The following TNFRSF11A variants were observed in gnomAD, a reference collection of about 807,000 sequenced individuals.
The protein encoded by TNFRSF11A is tumor necrosis factor receptor superfamily member 11A.
A neutral mutation model predicts 55.7 loss-of-function variants in TNFRSF11A; 32 were observed. That is an observed-to-expected ratio of 0.57 (90% CI 0.43 to 0.77). The LOEUF (loss-of-function observed/expected upper bound fraction) is 0.77. Among genes scored for constraint, TNFRSF11A ranks in the 30% least tolerant of loss-of-function variants. The pLI, the probability that TNFRSF11A is intolerant of heterozygous loss-of-function variation, is 0.00. For missense variants in TNFRSF11A, 753 were observed against 809.8 expected, an observed-to-expected ratio of 0.93 and a Z score of 0.85; for synonymous variants, 311 against 331.0, an observed-to-expected ratio of 0.94 and a Z score of 0.65.
intron 7 of TNFRSF11A, among the ~76,000 whole-genome samples, chr18:62,362,271 A>G (rs1909748523): frequency 6.6e-6 from 1 of 152,064 alleles, no homozygotes; most frequent in South Asian, 2.1e-4. Context: ...CAGGTGGATC[A>G]CCTGAGGTCA....
In TNFRSF11A at chr18:62,388,613, CCTT is replaced by C. The variant is rs1911877781; in HGVS notation, c.*3582_*3584del. 2.6e-5 allele frequency: 4 copies of C among 152,372 alleles called. No homozygotes were observed. Among genetic ancestry groups the C allele is most frequent in the Non-Finnish European group, 5.9e-5 (4 of 68,046 alleles). The allele number at this position is 152,372 out of a possible 1,614,324, so 9.4% of individuals were successfully genotyped here. A position where few individuals can be genotyped will look rare whatever the true frequency, so the allele number is the denominator to read the frequency against. On this transcript the variant is annotated 3_prime_UTR_variant, in exon 10 of 10. Transcript: ENST00000586569. ...CCCAGCCCCTAACCAGTGAGTAGCT[CCTT>C]CTCTGGTGATTGAATTCCCTTAATG...
rs67721371 is a variant in TNFRSF11A at position 62,367,788 on chromosome 18, C to CTTTTTTTTTTTTTTT, written c.784-904_784-890dup. 7.4e-4 allele frequency among the ~76,000 whole-genome samples: 58 copies of CTTTTTTTTTTTTTTT among 78,684 alleles called. 1 individual carries two copies. Among genetic ancestry groups the CTTTTTTTTTTTTTTT allele is most frequent in the East Asian group, 2.8e-3 (7 of 2,476 alleles). The allele number at this position is 78,684 out of a possible 152,430, so 51.6% of individuals were successfully genotyped here. On this transcript the variant is annotated intron_variant, in intron 8 of 9. Coordinates refer to ENST00000586569, the MANE Select transcript of TNFRSF11A (RefSeq NM_003839.4). ...GATCTTTCTTTCTTTTCTTCTTCTT[C>CTTTTTTTTTTTTTTT]TTTTTTTTTTTTTTTTTTTTTTTGA...
chr18:62,354,598 G>T, intron 4 of TNFRSF11A, 64 bp downstream of exon 4: 1 of 1,595,812 alleles, frequency 6.3e-7, no homozygotes. Context: ...CTTTGAGACA[G>T]TCTTGATAAT....
At position 62,388,090 on chromosome 18, in the gene TNFRSF11A, A is replaced by G. The variant is rs1054487774; in HGVS notation, c.*3056A>G. Reference sequence around the variant, plus strand: ...TGATTGGGTCAGTGCACTCCAGTGTAAAAAAACAAAAATAAAAACCACCAC... The same window carrying G: ...TGATTGGGTCAGTGCACTCCAGTGTGAAAAAACAAAAATAAAAACCACCAC... On this transcript the variant is annotated 3_prime_UTR_variant, in exon 10 of 10. Transcript: ENST00000586569. 1.3e-5 allele frequency: 2 copies of G among 152,198 alleles called. No homozygotes were observed. Among genetic ancestry groups the G allele is most frequent in the Non-Finnish European group, 2.9e-5 (2 of 68,072 alleles). The allele number at this position is 152,198 out of a possible 1,614,324, so 9.4% of individuals were successfully genotyped here.
In TNFRSF11A at chr18:62,384,876, C is replaced by T. The variant is rs759335197; in HGVS notation, c.1693C>T (p.Pro565Ser). ...GGAGGGCGCGGCGGCGGCTGCGGAGCCCATGGGCCGCCCGGTGCAGGAGGA... is the reference window on the plus strand; with the variant it reads ...GGAGGGCGCGGCGGCGGCTGCGGAGTCCATGGGCCGCCCGGTGCAGGAGGA... The part of the protein sequence containing the change: ...SQEGAAAAAE[P>S]MGRPVQEETL... Residue 565 changes from proline (P) to serine (S), a missense_variant, in exon 10 of 10, where the codon CCC becomes TCC. Pro to Ser is a moderately conservative substitution (Grantham distance 74, BLOSUM62 -1). This residue lies in a region of TNFRSF11A where 567 missense variants were observed against 596.7 expected (regional missense o/e 0.95). Transcript: ENST00000586569. 27 of 1,596,148 alleles carry T rather than the reference C, an allele frequency of 1.7e-5. No individual in the cohort carries two copies. The highest frequency in any genetic ancestry group is 4.0e-5 in the African/African-American group (3 of 74,700).
At chr18:62,372,901 CA>C (rs1910646413) in intron 9 of TNFRSF11A, 1 of 152,104 alleles carries the variant, frequency 6.6e-6, no homozygotes. Flanking sequence ...ATTTGTTTTT[CA>C]ATTAATTTAT....
chr18:62,366,797 A>G, intron 8 of TNFRSF11A, 37 bp downstream of exon 8: 1 of 1,604,900 alleles, frequency 6.2e-7, no homozygotes, highest in African/African-American at 1.3e-5. Flanking sequence ...TGTTAAGTAC[A>G]TTCAACAGTT....
At chr18:62,338,241 T>C (rs1004589837) in intron 1 of TNFRSF11A, among the ~76,000 whole-genome samples, 1 of 152,178 alleles carries the variant, frequency 6.6e-6, no homozygotes, top group African/African-American at 2.4e-5. Flanking sequence ...GAATGTGCAA[T>C]GATGCCACCC....
chr18:62,329,863 C>A (rs1225220787), intron 1 of TNFRSF11A, among the ~76,000 whole-genome samples: 1 of 152,164 alleles, frequency 6.6e-6, no homozygotes, highest in Non-Finnish European at 1.5e-5. Flanking sequence ...CACTGTGTCA[C>A]GTTCCAGTCG....
intron 9 of TNFRSF11A, among the ~76,000 whole-genome samples, chr18:62,371,809 G>A (rs182308524): frequency 3.9e-5 from 6 of 152,246 alleles, no homozygotes; most frequent in Admixed American, 2.6e-4. Context: ...CACAATTTAC[G>A]TTCTATAAAA....
At chr18:62,360,709 A>G (rs1909621308) in intron 6 of TNFRSF11A, among the ~76,000 whole-genome samples, 1 of 152,182 alleles carries the variant, frequency 6.6e-6, no homozygotes, top group Admixed American at 6.5e-5. Flanking sequence ...GGTCTCCCAA[A>G]GTGCTAGGAT....
intron 1 of TNFRSF11A, among the ~76,000 whole-genome samples, chr18:62,339,345 C>A (rs2046279395): frequency 6.6e-6 from 1 of 152,164 alleles, no homozygotes; most frequent in African/African-American, 2.4e-5. Context: ...CCTCACCCTC[C>A]CCAGCTTGTG....
chr18:62,384,366 TCTC>T (rs1219974151), intron 9 of TNFRSF11A, among the ~76,000 whole-genome samples: 4 of 110,096 alleles, frequency 3.6e-5, no homozygotes, highest in African/African-American at 7.2e-5. Context: ...CCCCTCCTCC[TCTC>T]CTCCTCCTCT....
intron 1 of TNFRSF11A, among the ~76,000 whole-genome samples, chr18:62,333,863 T>C (rs1755788380): frequency 7.7e-6 from 1 of 129,854 alleles, no homozygotes; most frequent in Non-Finnish European, 1.7e-5. Flanking sequence ...CTGAGGGCTT[T>C]CTAGAACTTT....
chr18:62,356,150 A>G (rs189528634), intron 4 of TNFRSF11A, among the ~76,000 whole-genome samples: 12 of 152,340 alleles, frequency 7.9e-5, no homozygotes, highest in Admixed American at 3.3e-4. Flanking sequence ...GACTTAACAA[A>G]TGATTATTTA....
chr18:62,367,788 C>CTTTTTTTTT (rs67721371), intron 8 of TNFRSF11A, among the ~76,000 whole-genome samples: 118 of 78,682 alleles, frequency 1.5e-3, no homozygotes, highest in Non-Finnish European at 1.8e-3. Context: ...TCTTCTTCTT[C>CTTTTTTTTT]TTTTTTTTTT....
chr18:62,358,351 A>G lies in TNFRSF11A; in HGVS notation c.521+10A>G. 1 of 1,612,650 alleles carries G rather than the reference A, an allele frequency of 6.2e-7. No homozygotes were observed. The highest frequency in any genetic ancestry group is 8.5e-7 in the Non-Finnish European group (1 of 1,178,878). ...GCAGACCCTGGACCAAGTAAGTAACAACAAAGGAGTCAGAAGAGATGGTTG... is the reference window on the plus strand; with the variant it reads ...GCAGACCCTGGACCAAGTAAGTAACGACAAAGGAGTCAGAAGAGATGGTTG... On this transcript the variant is annotated intron_variant, in intron 5 of 9. Coordinates refer to ENST00000586569, the MANE Select transcript of TNFRSF11A (RefSeq NM_003839.4).
At chr18:62,328,335 A>G (rs1162941990) in intron 1 of TNFRSF11A, among the ~76,000 whole-genome samples, 1 of 151,878 alleles carries the variant, frequency 6.6e-6, no homozygotes, top group East Asian at 1.9e-4. Flanking sequence ...CAGGGAAGAA[A>G]TGATTCTAGG....
chr18:62,326,006 T>C (rs2046069378), intron 1 of TNFRSF11A, among the ~76,000 whole-genome samples: 1 of 152,208 alleles, frequency 6.6e-6, no homozygotes, highest in African/African-American at 2.4e-5. Flanking sequence ...GATGCTGGAC[T>C]TGACCCTCGC....
Sources: allele counts gnomAD v4.1 joint callset (sites outside exome capture counted in the v4.1 genomes callset), GRCh38; gene constraint gnomAD v4.1.1; regional missense constraint gnomAD v4.1.1; transcripts MANE v1.5; gene names NCBI Gene and HGNC (gene_info 2026-07-23, HGNC 2026-07-21).